The following SLC2A13 variants were observed in gnomAD, a reference collection of about 807,000 sequenced individuals.
The protein encoded by SLC2A13 is proton myo-inositol cotransporter.
SLC2A13 carries 32 observed loss-of-function variants against 64.4 expected under a neutral mutation model. That is an observed-to-expected ratio of 0.50 (90% confidence interval 0.37 to 0.67). The LOEUF (loss-of-function observed/expected upper bound fraction) is 0.67, where lower values mean the gene tolerates loss of function less well. Ranked by LOEUF, SLC2A13 falls within the 30% of genes least tolerant of loss-of-function variation. SLC2A13 has a pLI of 0.00. For missense variants in SLC2A13, 743 were observed against 829.2 expected (o/e 0.90, Z 1.28); for synonymous variants, 338 against 327.1 (o/e 1.03, Z -0.36).
At chr12:40,049,583 TAC>T (rs951762885) in intron 1 of SLC2A13, among the ~76,000 whole-genome samples, 1 of 152,246 alleles carries the variant, frequency 6.6e-6, no homozygotes, top group East Asian at 1.9e-4. Context: ...CCTTTTTATG[TAC>T]ACAGTCAGAA....
intron 7 of SLC2A13, among the ~76,000 whole-genome samples, chr12:39,798,962 A>G (rs949035294): frequency 1.3e-5 from 2 of 151,912 alleles, no homozygotes; most frequent in African/African-American, 4.8e-5. Flanking sequence ...AAAATAAATT[A>G]GAGTAACAAA....
At chr12:40,078,463 A>T (rs1047120188) in intron 1 of SLC2A13, among the ~76,000 whole-genome samples, 1 of 152,176 alleles carries the variant, frequency 6.6e-6, no homozygotes, top group Non-Finnish European at 1.5e-5. Flanking sequence ...ATGTTGAATC[A>T]ACCTTGCATC....
At chr12:40,067,477 G>A (rs1256114114) in intron 1 of SLC2A13, among the ~76,000 whole-genome samples, 6 of 152,026 alleles carry the variant, frequency 3.9e-5, no homozygotes, top group African/African-American at 1.2e-4. Flanking sequence ...TTACTCTTTA[G>A]TAATAAAATG....
At chr12:39,962,747 C>T (rs780745103) in intron 3 of SLC2A13, among the ~76,000 whole-genome samples, 1 of 152,136 alleles carries the variant, frequency 6.6e-6, no homozygotes, top group Non-Finnish European at 1.5e-5. Flanking sequence ...AAAGACTATA[C>T]AACCATAATC....
intron 1 of SLC2A13, among the ~76,000 whole-genome samples, chr12:40,079,838 T>C (rs1383223442): frequency 6.6e-6 from 1 of 152,220 alleles, no homozygotes; most frequent in African/African-American, 2.4e-5. Context: ...AGTTGAACCA[T>C]TTATCATTAT....
chr12:39,946,292 G>T (rs533286171), intron 4 of SLC2A13, among the ~76,000 whole-genome samples: 48 of 152,294 alleles, frequency 3.2e-4, no homozygotes, highest in South Asian at 2.1e-3. Context: ...CCCCATGAGG[G>T]TTCTTAATTT....
chr12:39,933,766 A>C (rs1242844839), intron 4 of SLC2A13, among the ~76,000 whole-genome samples: 1 of 152,172 alleles, frequency 6.6e-6, no homozygotes. Flanking sequence ...AAAATCCTGG[A>C]TTTGAGGCCT....
intron 4 of SLC2A13, among the ~76,000 whole-genome samples, chr12:39,941,432 C>T (rs937139583): frequency 6.6e-6 from 1 of 152,146 alleles, no homozygotes; most frequent in Non-Finnish European, 1.5e-5. Flanking sequence ...ATGCCAACAT[C>T]CACTGTTTTT....
intron 6 of SLC2A13, among the ~76,000 whole-genome samples, chr12:39,857,010 G>A (rs1943626892): frequency 6.6e-6 from 1 of 152,122 alleles, no homozygotes; most frequent in Non-Finnish European, 1.5e-5. Context: ...TTATGCAGAT[G>A]CTATTTTAAG....
chr12:39,803,222 A>C (rs1175799114), intron 7 of SLC2A13, among the ~76,000 whole-genome samples: 1 of 151,500 alleles, frequency 6.6e-6, no homozygotes, highest in Non-Finnish European at 1.5e-5. Flanking sequence ...AAAAAAAAAA[A>C]CTTTCTAGAA....
At chr12:40,080,061 C>T (rs1486601218) in intron 1 of SLC2A13, among the ~76,000 whole-genome samples, 1 of 152,152 alleles carries the variant, frequency 6.6e-6, no homozygotes, top group East Asian at 1.9e-4. Context: ...AGGGTTTCAC[C>T]ATGTTGGCCA....
intron 3 of SLC2A13, among the ~76,000 whole-genome samples, chr12:39,992,587 T>C (rs1043531214): frequency 6.6e-6 from 1 of 152,162 alleles, no homozygotes; most frequent in Admixed American, 6.5e-5. Flanking sequence ...GGGTTAATTA[T>C]GGAAAATGGC....
At chr12:39,948,624 T>C (rs1209144609) in intron 4 of SLC2A13, among the ~76,000 whole-genome samples, 1 of 152,138 alleles carries the variant, frequency 6.6e-6, no homozygotes, top group East Asian at 1.9e-4. Context: ...GAATTCAAAA[T>C]ACCTTATATT....
intron 6 of SLC2A13, among the ~76,000 whole-genome samples, chr12:39,834,652 C>A (rs1018194172): frequency 7.2e-5 from 11 of 151,918 alleles, no homozygotes; most frequent in African/African-American, 2.7e-4. Flanking sequence ...CTTTCCATTC[C>A]AAGGAGTGGG....
rs560394711 is a variant in SLC2A13 at position 39,944,665 on chromosome 12, C to T, written c.1034+6592G>A. Among the ~76,000 whole-genome samples the T allele has an allele frequency of 3.3e-5, 5 of 152,344 alleles. No individual in the cohort carries two copies. In the South Asian group the frequency reaches 1.0e-3, roughly 32 times the overall value. On this transcript the variant is annotated intron_variant, in intron 4 of 9. Transcript: ENST00000280871. ...TGTCTGATATAAGAATAGCTACCCC[C>T]TGCTTGCTTTTGGTGTCCATTTGCA...
At chr12:39,786,730 G>A (rs1187386858) in intron 7 of SLC2A13, among the ~76,000 whole-genome samples, 2 of 152,108 alleles carry the variant, frequency 1.3e-5, no homozygotes, top group Non-Finnish European at 2.9e-5. Flanking sequence ...GCTCAGCCTT[G>A]GTGGGTGAAT....
chr12:39,869,297 T>C (rs1028666365), intron 5 of SLC2A13, among the ~76,000 whole-genome samples: 17 of 152,186 alleles, frequency 1.1e-4, no homozygotes, highest in Admixed American at 2.6e-4. Context: ...AAAGGTCCAT[T>C]GGTCATTATC....
rs181772360 is a variant in SLC2A13 at position 39,925,601 on chromosome 12, C to T, written c.1034+25656G>A. 2.6e-4 allele frequency among the ~76,000 whole-genome samples: 40 copies of T among 152,126 alleles called. No homozygotes were observed. In the East Asian group the frequency reaches 7.7e-3, roughly 29 times the overall value. On this transcript the variant is annotated intron_variant, in intron 4 of 9. Coordinates refer to ENST00000280871, the MANE Select transcript of SLC2A13 (RefSeq NM_052885.4). ...TTTTTTTCCTTTAAGTAAAGAAATA[C>T]TTAAAAGCTAGGAAGCTATGGTTCA...
intron 4 of SLC2A13, among the ~76,000 whole-genome samples, chr12:39,872,966 G>A (rs1944092856): frequency 1.3e-5 from 2 of 152,122 alleles, no homozygotes; most frequent in Admixed American, 1.3e-4. Context: ...AAAATCTACA[G>A]TTTGTGAATA....
Sources: gnomAD v4.1 joint callset for allele counts (sites outside exome capture counted in the v4.1 genomes callset) on GRCh38, gnomAD v4.1.1 for gene constraint, MANE v1.5 for transcripts, NCBI Gene and HGNC (gene_info 2026-07-23, HGNC 2026-07-21) for gene names.